Variants in BCKDHB observed in about 807,000 individuals in gnomAD.
BCKDHB encodes the protein 2-oxoisovalerate dehydrogenase subunit beta, mitochondrial.
In BCKDHB, 41 loss-of-function variants were observed where a neutral mutation model predicts 48.5. The observed-to-expected ratio is 0.85, with a 90% CI of 0.66 to 1.10. The LOEUF (loss-of-function observed/expected upper bound fraction) is 1.10. Ranked by LOEUF, BCKDHB falls within the 50% of genes least tolerant of loss-of-function variation. BCKDHB has a pLI of 0.00. For synonymous variants in BCKDHB, 201 were observed against 174.8 expected (o/e 1.15, Z -1.18); for missense variants, 496 against 494.2 (o/e 1.00, Z -0.03).
At chr6:80,319,213 C>T (rs1219694798) in intron 9 of BCKDHB, among the ~76,000 whole-genome samples, 1 of 152,184 alleles carries the variant, frequency 6.6e-6, no homozygotes, top group South Asian at 2.1e-4. Context: ...CTGCATTGCT[C>T]TTCTCACTGT....
rs934061004 is a variant in BCKDHB, at chr6:80,224,855, A to G, written c.951+21643A>G. 3.3e-5 allele frequency among the ~76,000 whole-genome samples: 5 copies of G among 152,210 alleles called. No homozygotes were observed. In the East Asian group the frequency reaches 5.8e-4, roughly 18 times the overall value. ...AGTGCACAGACTTTGGAAGCCACGC[A>G]GTTCATCTCCCTGTGCACTTCAAGG... On this transcript the variant is annotated intron_variant, in intron 8 of 9. Coordinates refer to ENST00000320393, the MANE Select transcript of BCKDHB (RefSeq NM_183050.4).
chr6:80,439,128 A>G, the BCKDHB span, among the ~76,000 whole-genome samples: 1 of 152,182 alleles, frequency 6.6e-6, no homozygotes, highest in Non-Finnish European at 1.5e-5. Flanking sequence ...CAGACACATC[A>G]CTTCTGCTCA....
chr6:80,127,497 T>TTCA, intron 1 of BCKDHB, 50 bp from the exon 2 acceptor site: 1 of 1,470,674 alleles, frequency 6.8e-7, no homozygotes, highest in Non-Finnish European at 9.5e-7. Flanking sequence ...AACTGGTTGT[T>TTCA]TTTATGTATT....
At chr6:80,169,142 A>AT (rs1772760628) in intron 5 of BCKDHB, 112 bp downstream of exon 5, 2 of 1,392,398 alleles carry the variant, frequency 1.4e-6, no homozygotes. Flanking sequence ...GATTCTTGGA[A>AT]TTTATGTGAA....
intron 8 of BCKDHB, among the ~76,000 whole-genome samples, chr6:80,217,608 G>GTA (rs1775232907): frequency 6.6e-6 from 1 of 152,132 alleles, no homozygotes; most frequent in South Asian, 2.1e-4. Flanking sequence ...ATAATGCAAA[G>GTA]TATCATCTTC....
the BCKDHB span, among the ~76,000 whole-genome samples, chr6:80,411,258 G>T: frequency 6.6e-6 from 1 of 152,144 alleles, no homozygotes; most frequent in African/African-American, 2.4e-5. Context: ...TGTTTGCCTA[G>T]GTATCACCAG....
chr6:80,404,416 C>A, the BCKDHB span, among the ~76,000 whole-genome samples: 2 of 151,188 alleles, frequency 1.3e-5, no homozygotes, highest in Non-Finnish European at 3.0e-5. Flanking sequence ...GTTGTAATAC[C>A]TCCTCTCTTA....
the BCKDHB span, among the ~76,000 whole-genome samples, chr6:80,455,866 G>A: frequency 0.11 from 16,538 of 152,110 alleles, 2,736 homozygotes; most frequent in African/African-American, 0.36. Flanking sequence ...GACCATTGAC[G>A]TTGGAGAGCA....
At chr6:80,430,076 G>T in the BCKDHB span, among the ~76,000 whole-genome samples, 1 of 152,080 alleles carries the variant, frequency 6.6e-6, no homozygotes, top group Admixed American at 6.6e-5. Context: ...TAGCATGAAG[G>T]GCTGTTGAAT....
At chr6:80,305,653 AT>A (rs1767836508) in intron 9 of BCKDHB, among the ~76,000 whole-genome samples, 1 of 152,142 alleles carries the variant, frequency 6.6e-6, no homozygotes, top group African/African-American at 2.4e-5. Context: ...GTGAGGGCTG[AT>A]TTCTGCTACA....
intron 9 of BCKDHB, among the ~76,000 whole-genome samples, chr6:80,295,240 G>A (rs866374129): frequency 3.5e-4 from 53 of 152,220 alleles, no homozygotes; most frequent in Middle Eastern, 3.4e-3. Flanking sequence ...TCATACTTCC[G>A]ATAAAGACAT....
At chr6:80,425,679 T>C in the BCKDHB span, among the ~76,000 whole-genome samples, 3,323 of 152,290 alleles carry the variant, frequency 0.022, 129 homozygotes, top group African/African-American at 0.074. Flanking sequence ...TTTACCATGA[T>C]CGTCTGCAAG....
At chr6:80,233,578 T>C (rs796492743) in intron 8 of BCKDHB, among the ~76,000 whole-genome samples, 10 of 152,330 alleles carry the variant, frequency 6.6e-5, no homozygotes, top group African/African-American at 2.2e-4. Flanking sequence ...TTATTAATCT[T>C]AATTAGGCCT....
At chr6:80,139,255 C>T (rs1379573394) in intron 3 of BCKDHB, among the ~76,000 whole-genome samples, 1 of 151,608 alleles carries the variant, frequency 6.6e-6, no homozygotes, top group African/African-American at 2.4e-5. Flanking sequence ...TTGTAGGTTG[C>T]CTGTTCACTC....
At chr6:80,175,168 C>T (rs1298403020) in intron 6 of BCKDHB, among the ~76,000 whole-genome samples, 108 of 152,240 alleles carry the variant, frequency 7.1e-4, no homozygotes, top group Non-Finnish European at 1.5e-5. Context: ...GCTGCACCAG[C>T]TCCCAATGCC....
chr6:80,174,679 G>A (rs1773070663), intron 6 of BCKDHB, among the ~76,000 whole-genome samples: 1 of 152,090 alleles, frequency 6.6e-6, no homozygotes, highest in Non-Finnish European at 1.5e-5. Flanking sequence ...CCAAAGCTGG[G>A]CTTTTTCCCT....
intron 9 of BCKDHB, among the ~76,000 whole-genome samples, chr6:80,340,271 T>G (rs1769819925): frequency 6.6e-6 from 1 of 152,188 alleles, no homozygotes; most frequent in Non-Finnish European, 1.5e-5. Flanking sequence ...TACTAAATTG[T>G]TGTTTTGGGG....
At chr6:80,383,234 GTTTTC>G in the BCKDHB span, among the ~76,000 whole-genome samples, 1 of 151,880 alleles carries the variant, frequency 6.6e-6, no homozygotes, top group Non-Finnish European at 1.5e-5. Flanking sequence ...CATATGTTCT[GTTTTC>G]TTTTTTCTGT....
chr6:80,166,403 C>A (rs1455560359), intron 3 of BCKDHB, among the ~76,000 whole-genome samples: 1 of 152,074 alleles, frequency 6.6e-6, no homozygotes, highest in African/African-American at 2.4e-5. Flanking sequence ...TGCCTGTAAT[C>A]CCAGCACCGT....
Sources: gnomAD v4.1 joint callset for allele counts (sites outside exome capture counted in the v4.1 genomes callset) on GRCh38, gnomAD v4.1.1 for gene constraint, MANE v1.5 for transcripts, NCBI Gene and HGNC (gene_info 2026-07-23, HGNC 2026-07-21) for gene names.